PLB1: variants seen among roughly 807,000 people sequenced by gnomAD.
PLB1 encodes phospholipase B1, also known as phospholipase B1, membrane-associated.
Under a neutral mutation model 227.4 loss-of-function variants are expected in PLB1, and 242 were observed. The observed-to-expected ratio is 1.06, with a 90% CI of 0.96 to 1.18. The LOEUF is 1.18. Among genes scored for constraint, PLB1 ranks in the 50% most tolerant of loss-of-function variants. PLB1 has a pLI of 0.00. For synonymous variants in PLB1, 757 were observed against 682.2 expected, an observed-to-expected ratio of 1.11 and a Z score of -1.71; for missense variants, 1,858 against 1,816.3, an observed-to-expected ratio of 1.02 and a Z score of -0.42.
At chr2:28,532,399 C>T (rs74714027) in intron 9 of PLB1, among the ~76,000 whole-genome samples, 12,779 of 152,224 alleles carry the variant, frequency 0.084, 652 homozygotes, top group East Asian at 0.21. Context: ...AAGAAACGTA[C>T]GCTTGAACAG....
intron 34 of PLB1, 104 bp downstream of exon 34, chr2:28,598,152 A>G: frequency 1.1e-6 from 1 of 948,452 alleles, no homozygotes; most frequent in Non-Finnish European, 1.6e-6. Flanking sequence ...CATCTGCCTT[A>G]TGGCCCAGCA....
rs750188931 is a variant in PLB1 at position 28,598,692 on chromosome 2, C to T, written c.2406C>T (p.Ala802=). 38 of 1,614,084 alleles carry T rather than the reference C, an allele frequency of 2.4e-5. No individual in the cohort carries two copies. In the African/African-American group the frequency reaches 3.6e-4, roughly 15 times the overall value. The change falls in exon 35 of 58, where the codon GCC becomes GCT. Residue 802 remains alanine (A), a synonymous_variant. Transcript: ENST00000327757. ...TTAACAGAAACCTCACAGGCTACGC[C>T]GTGGGCACGGGTGATGCCAATGACA... ...REFNRNLTGY[A]VGTGDANDTN... is the part of the protein sequence containing the mutation.
chr2:28,598,885 G>A, intron 35 of PLB1, 125 bp downstream of exon 35: 1 of 794,110 alleles, frequency 1.3e-6, no homozygotes, highest in Non-Finnish European at 2.2e-6. Context: ...GGCTCAGGCT[G>A]CCCTCTTCCC....
intron 44 of PLB1, among the ~76,000 whole-genome samples, chr2:28,615,856 G>T (rs1686129542): frequency 6.6e-6 from 1 of 152,218 alleles, no homozygotes; most frequent in Non-Finnish European, 1.5e-5. Flanking sequence ...AGAGCTAGAA[G>T]GGCGTGTGTT....
chr2:28,548,564 A>C, intron 14 of PLB1: 1 of 500,782 alleles, frequency 2.0e-6, no homozygotes, highest in Middle Eastern at 3.5e-4. Flanking sequence ...CTTCTAGGAG[A>C]GGTAGACTAG....
intron 57 of PLB1, 52 bp from the exon 58 acceptor site, chr2:28,642,806 G>T: frequency 1.4e-6 from 2 of 1,473,740 alleles, no homozygotes; most frequent in Non-Finnish European, 9.3e-7. Flanking sequence ...TTGGCTTGGT[G>T]ATGGATGGTT....
chr2:28,535,709 T>C (rs978494885), intron 9 of PLB1, among the ~76,000 whole-genome samples: 9 of 152,100 alleles, frequency 5.9e-5, no homozygotes, highest in African/African-American at 1.9e-4. Flanking sequence ...TCACTTGAGG[T>C]TAGGAGTTCA....
rs765590018 is a variant in PLB1 at position 28,550,135 on chromosome 2, G to A, written c.1083+51G>A. On this transcript the variant is annotated intron_variant, in intron 16 of 57. Transcript: ENST00000327757. ...CAAACATGCAGATGAACCAGGGGCT[G>A]TACTTCTTGCTGAATCTTTCGAACC... 10 of 1,363,852 alleles carry A rather than the reference G, an allele frequency of 7.3e-6. No individual in the cohort carries two copies. In the African/African-American group the frequency reaches 1.3e-4, roughly 18 times the overall value. The allele number at this position is 1,363,852 out of a possible 1,614,324, so 84.5% of individuals were successfully genotyped here.
intron 23 of PLB1, among the ~76,000 whole-genome samples, chr2:28,581,275 G>A (rs1292449482): frequency 6.6e-6 from 1 of 151,942 alleles, no homozygotes; most frequent in Non-Finnish European, 1.5e-5. Context: ...GATTTATGTA[G>A]GGTGTGCTTT....
chr2:28,543,125 A>G (rs1276849243), intron 13 of PLB1, 87 bp from the exon 14 acceptor site: 8 of 1,417,586 alleles, frequency 5.6e-6, no homozygotes, highest in East Asian at 2.5e-5. Flanking sequence ...CCCCAACTCT[A>G]TGCCAGAGAG....
intron 31 of PLB1, 63 bp from the exon 32 acceptor site, chr2:28,592,598 G>A (rs1215472350): frequency 1.3e-6 from 2 of 1,518,644 alleles, no homozygotes; most frequent in Non-Finnish European, 1.8e-6. Context: ...TGAAGCCAGA[G>A]GCACTAGAGT....
chr2:28,523,722 A>G (rs572826900), intron 4 of PLB1, among the ~76,000 whole-genome samples: 32 of 152,108 alleles, frequency 2.1e-4, no homozygotes, highest in Non-Finnish European at 4.0e-4. Flanking sequence ...TGATCTATCA[A>G]TTAATTACCA....
intron 1 of PLB1, among the ~76,000 whole-genome samples, chr2:28,502,548 T>C (rs1447032953): frequency 6.6e-6 from 1 of 152,180 alleles, no homozygotes; most frequent in Non-Finnish European, 1.5e-5. Context: ...AATGATCCAT[T>C]GGGATTGTAT....
intron 17 of PLB1, among the ~76,000 whole-genome samples, chr2:28,562,795 A>G (rs1401882887): frequency 6.6e-6 from 1 of 151,994 alleles, no homozygotes; most frequent in Admixed American, 6.6e-5. Flanking sequence ...AGCAGGATCC[A>G]CCTTTCAGCT....
Position 28,573,295 on chromosome 2 carries a change from G to A in PLB1, c.1423G>A (p.Gly475Ser), listed in dbSNP as rs746838098. ...NAFLNQAVAG[G>S]RAEDLPVQAR... ...CTTCTTAAACCAGGCTGTGGCAGGA[G>A]GCCGAGCTGAGTAAGCAGGGGTGAC... is the stretch of plus-strand genomic sequence containing the variant. Residue 475 changes from glycine (G) to serine (S), a missense_variant, in exon 21 of 58, where the codon GGC (glycine) becomes AGC (serine). By Grantham distance (56) the Gly-to-Ser change is moderately conservative. Transcript: ENST00000327757. 2.5e-6 allele frequency: 4 copies of A among 1,613,400 alleles called. No individual in the cohort carries two copies. The South Asian group carries it at 4.4e-5, about 18-fold the overall frequency.
intron 45 of PLB1, 126 bp from the exon 46 acceptor site, chr2:28,618,215 G>A: frequency 2.2e-6 from 2 of 917,374 alleles, no homozygotes; most frequent in South Asian, 3.0e-5. Context: ...AACTGCTAAA[G>A]CCTTAAGCTG....
intron 49 of PLB1, among the ~76,000 whole-genome samples, chr2:28,622,241 T>C (rs552838394): frequency 6.6e-6 from 1 of 152,330 alleles, no homozygotes; most frequent in East Asian, 1.9e-4. Context: ...CCTAATATCA[T>C]AGGGTGTGGG....
In PLB1 at chr2:28,625,117, A is replaced by G; in HGVS notation, c.3579+9A>G. The G allele has an allele frequency of 1.9e-6, 3 of 1,610,114 alleles. No individual in the cohort carries two copies. Among genetic ancestry groups the G allele is most frequent in the Non-Finnish European group, 2.5e-6 (3 of 1,177,762 alleles). On this transcript the variant is annotated intron_variant, in intron 50 of 57. Coordinates refer to ENST00000327757, the MANE Select transcript of PLB1 (RefSeq NM_153021.5). ...GAATGAAAAACAGCCCCGTGAGTAC[A>G]GGCCCCCAGGCCACCCCTGAAAGGT...
chr2:28,548,458 G>T, intron 14 of PLB1: 1 of 434,616 alleles, frequency 2.3e-6, no homozygotes, highest in Non-Finnish European at 4.8e-6. Context: ...GTGACCCATT[G>T]CTAGATGTTT....
Sources: allele counts gnomAD v4.1 joint callset (sites outside exome capture counted in the v4.1 genomes callset), GRCh38; gene constraint gnomAD v4.1.1; transcripts MANE v1.5; gene names NCBI Gene and HGNC (gene_info 2026-07-23, HGNC 2026-07-21).